Variants in TJP1 observed in about 807,000 individuals in gnomAD.
TJP1 encodes the protein tight junction protein 1.
TJP1 carries 43 observed loss-of-function variants against 194.2 expected under a neutral mutation model. The ratio of observed to expected loss-of-function variants is 0.22; its 90% CI spans 0.17 to 0.29. The LOEUF (loss-of-function observed/expected upper bound fraction) is 0.29. Among genes scored for constraint, TJP1 ranks in the 10% least tolerant of loss-of-function variants. TJP1 has a pLI of 1.00. For synonymous variants in TJP1, 801 were observed against 779.0 expected (o/e 1.03, Z -0.47); for missense variants, 1,971 against 2,185.7 (o/e 0.90, Z 1.96).
At chr15:29,789,481 C>A (rs1714237076) in intron 2 of TJP1, among the ~76,000 whole-genome samples, 1 of 152,098 alleles carries the variant, frequency 6.6e-6, no homozygotes, top group Non-Finnish European at 1.5e-5. Context: ...CACAAGAGTA[C>A]AACAGTGCTT....
At chr15:29,761,031 T>G in intron 8 of TJP1, 108 bp downstream of exon 8, 1 of 1,305,464 alleles carries the variant, frequency 7.7e-7, no homozygotes, top group Non-Finnish European at 1.0e-6. Flanking sequence ...GATCTAATCT[T>G]GAATAATCAA....
In TJP1 at chr15:29,856,820, T is replaced by G. The variant is rs182258994; in HGVS notation, c.307-56118A>C. 6.2e-4 allele frequency among the ~76,000 whole-genome samples: 93 copies of G among 150,142 alleles called. 1 individual carries two copies. Among genetic ancestry groups the G allele is most frequent in the African/African-American group, 2.1e-3 (86 of 40,634 alleles). On this transcript the variant is annotated intron_variant, in intron 2 of 28. Transcript: ENST00000356107. ...AACCCCGTCTCTATGACTGTGCCAC[T>G]GCACTCCAGCCTGGGTGACAGAGCA... is the stretch of plus-strand genomic sequence containing the variant.
At chr15:29,706,197 T>C (rs1437571162) in intron 25 of TJP1, among the ~76,000 whole-genome samples, 2 of 152,148 alleles carry the variant, frequency 1.3e-5, no homozygotes, top group Admixed American at 6.5e-5. Flanking sequence ...TCTCCCAAAG[T>C]GCTGAGGTTA....
intron 8 of TJP1, among the ~76,000 whole-genome samples, chr15:29,745,004 C>A (rs2044671670): frequency 6.6e-6 from 1 of 152,076 alleles, no homozygotes; most frequent in Non-Finnish European, 1.5e-5. Flanking sequence ...TAGGAATTTA[C>A]TGACACAATT....
rs568532200 is a variant in TJP1 at position 29,834,514 on chromosome 15, C to A, written c.307-33812G>T. ...ATTACAGGCATGAGCCACCGCACAG[C>A]CGGCCTGAGATGTTTTATACTATTT... On this transcript the variant is annotated intron_variant, in intron 2 of 28. Transcript: ENST00000356107. Among the ~76,000 whole-genome samples the A allele has an allele frequency of 5.9e-5, 9 of 152,342 alleles. No individual in the cohort carries two copies. The South Asian group carries it at 1.7e-3, about 28-fold the overall frequency.
intron 5 of TJP1, among the ~76,000 whole-genome samples, chr15:29,763,511 TG>T (rs1311522200): frequency 6.6e-6 from 1 of 152,210 alleles, no homozygotes; most frequent in Non-Finnish European, 1.5e-5. Flanking sequence ...GGCTCATGCC[TG>T]TAATTCCAGC....
intron 2 of TJP1, among the ~76,000 whole-genome samples, chr15:29,877,557 T>G (rs1343474500): frequency 2.6e-5 from 4 of 152,068 alleles, no homozygotes; most frequent in South Asian, 4.2e-4. Flanking sequence ...TTTTCTTTCT[T>G]TCTTTTTCTC....
At chr15:29,954,267 C>A (rs544299541) in intron 2 of TJP1, among the ~76,000 whole-genome samples, 2 of 152,252 alleles carry the variant, frequency 1.3e-5, no homozygotes, top group East Asian at 3.9e-4. Flanking sequence ...TGAAGGCCAT[C>A]TTTTTCTCTG....
Position 29,955,753 on chromosome 15 carries a change from TAAAAA to T in TJP1, c.306+474_306+478del, listed in dbSNP as rs563535771. 2.8e-3 allele frequency among the ~76,000 whole-genome samples: 100 copies of T among 35,808 alleles called. 1 individual carries two copies. In the East Asian group the frequency reaches 0.038, roughly 14 times the overall value. 23.5% of individuals were successfully genotyped at this position (35,808 alleles called of 152,430 possible). A position where few individuals can be genotyped will look rare whatever the true frequency, so the allele number is the denominator to read the frequency against. ...GCAACAGAAGGAGACCCTGGCTCTT[TAAAAA>T]AAAAAAAAAAAAAAAAAAAAAAAAA... On this transcript the variant is annotated intron_variant, in intron 2 of 28. Transcript: ENST00000356107.
Position 29,710,735 on chromosome 15 carries a change from G to A in TJP1, c.4372+96C>T, listed in dbSNP as rs2042188689. ...TTCCCAGCCCAAAGGTTTCAAGCAT[G>A]TATTTTTTAATGTAAAAACCATTTT... On this transcript the variant is annotated intron_variant, in intron 24 of 27. Coordinates refer to ENST00000614355, the MANE Select transcript of TJP1 (RefSeq NM_001330239.4). The A allele has an allele frequency of 3.4e-6, 5 of 1,479,576 alleles. No individual in the cohort carries two copies. The East Asian group carries it at 6.8e-5, about 20-fold the overall frequency. 91.7% of individuals were successfully genotyped at this position (1,479,576 alleles called of 1,614,324 possible).
Position 29,867,632 on chromosome 15 carries a change from G to C in TJP1, c.307-66930C>G, listed in dbSNP as rs549815026. On this transcript the variant is annotated intron_variant, in intron 2 of 28. Coordinates refer to the TJP1 transcript ENST00000356107. ...AACATTTTAAAGAAGAATTGGCTGGGCATGGTGGCTCATGCCTGTAATCCC... is the reference window on the plus strand; with the variant it reads ...AACATTTTAAAGAAGAATTGGCTGGCCATGGTGGCTCATGCCTGTAATCCC... Among the ~76,000 whole-genome samples the C allele has an allele frequency of 3.3e-5, 5 of 152,300 alleles. No homozygotes were observed. The East Asian group carries it at 9.7e-4, about 29-fold the overall frequency.
intron 8 of TJP1, among the ~76,000 whole-genome samples, chr15:29,751,435 T>C (rs562285936): frequency 4.6e-5 from 7 of 152,372 alleles, no homozygotes; most frequent in African/African-American, 1.4e-4. Context: ...GAGCTTATTC[T>C]TCTGTACAAG....
chr15:29,817,059 T>A (rs1297144629), intron 1 of TJP1, among the ~76,000 whole-genome samples: 1 of 152,178 alleles, frequency 6.6e-6, no homozygotes, highest in Non-Finnish European at 1.5e-5. Flanking sequence ...CATCTACTGA[T>A]CTGACAAAGG....
chr15:29,964,666 T>G (rs1453708797), intron 1 of TJP1, among the ~76,000 whole-genome samples: 1 of 152,202 alleles, frequency 6.6e-6, no homozygotes. Context: ...CAGCAGCCCC[T>G]GAAAACACAA....
intron 2 of TJP1, among the ~76,000 whole-genome samples, chr15:29,911,943 A>G (rs2054028060): frequency 1.3e-5 from 2 of 152,196 alleles, no homozygotes; most frequent in African/African-American, 4.8e-5. Flanking sequence ...GGAGTTCGCA[A>G]TCCAATGAGG....
chr15:29,792,771 G>A (rs777317104), intron 2 of TJP1, among the ~76,000 whole-genome samples: 27 of 152,216 alleles, frequency 1.8e-4, no homozygotes, highest in African/African-American at 3.1e-4. Context: ...TTTTGGTGCC[G>A]TCTTCAATAT....
chr15:29,746,471 T>C (rs1170519116), intron 8 of TJP1, among the ~76,000 whole-genome samples: 1 of 151,944 alleles, frequency 6.6e-6, no homozygotes. Flanking sequence ...CATATAGCTA[T>C]TTAAAAACTT....
intron 2 of TJP1, among the ~76,000 whole-genome samples, chr15:29,792,664 T>C (rs559515394): frequency 6.6e-6 from 1 of 152,308 alleles, no homozygotes; most frequent in African/African-American, 2.4e-5. Flanking sequence ...TTGACAAGGG[T>C]TGCAATGAAT....
chr15:29,719,969 G>C lies in TJP1; in HGVS notation c.2811C>G (p.Asn937Lys), dbSNP rs771651287. ...TAACAGCAGAGGTTGATGATGCTGG[G>C]TTTGTTTCAGGCGAAAGGTAAGGGA... ...SPVPYLSPET[N>K]PASSTSAVNH... Residue 937 changes from asparagine (N) to lysine (K), a missense_variant, in exon 20 of 28, where the codon AAC (asparagine) becomes AAG (lysine). Physicochemically the swap from Asn to Lys is moderately conservative, Grantham distance 94. This residue lies in a region of TJP1 where 1,108 missense variants were observed against 1,128.5 expected (regional missense o/e 0.98). Coordinates refer to ENST00000614355, the MANE Select transcript of TJP1 (RefSeq NM_001330239.4). 2 of 1,614,134 alleles carry C rather than the reference G, an allele frequency of 1.2e-6. No homozygotes were observed. The highest frequency in any genetic ancestry group is 1.7e-6 in the Non-Finnish European group (2 of 1,180,016).
Sources: gnomAD v4.1 joint callset for allele counts (sites outside exome capture counted in the v4.1 genomes callset) on GRCh38, gnomAD v4.1.1 for gene constraint, gnomAD v4.1.1 regional missense constraint, MANE v1.5 for transcripts, NCBI Gene and HGNC (gene_info 2026-07-23, HGNC 2026-07-21) for gene names.